Variants in FAM171A1 observed in about 807,000 individuals in gnomAD.
FAM171A1 encodes the protein family with sequence similarity 171 member A1.
A neutral mutation model predicts 74.9 loss-of-function variants in FAM171A1; 23 were observed. The ratio of observed to expected loss-of-function variants is 0.31; its 90% CI spans 0.22 to 0.44. The LOEUF (loss-of-function observed/expected upper bound fraction) is 0.44. FAM171A1 is among the 20% of genes least tolerant of loss of function. The pLI, the probability that FAM171A1 is intolerant of heterozygous loss-of-function variation, is 1.00. For missense variants in FAM171A1, 1,162 were observed against 1,159.2 expected (o/e 1.00, Z -0.03); for synonymous variants, 527 against 505.7 (o/e 1.04, Z -0.57).
At position 15,258,904 on chromosome 10, in the gene FAM171A1, C is replaced by T. The variant is rs563822589; in HGVS notation, c.419-4025G>A. ...GTGCCATTTCTGTGCTCTGCTCGCT[C>T]CCTGTGGGTTCCCTTTCACTGCCAC... On this transcript the variant is annotated intron_variant, in intron 3 of 7. Coordinates refer to ENST00000378116, the MANE Select transcript of FAM171A1 (RefSeq NM_001010924.2). Among the ~76,000 whole-genome samples the T allele has an allele frequency of 2.2e-4, 34 of 152,304 alleles. No individual in the cohort carries two copies. The Middle Eastern group carries it at 0.01, about 46-fold the overall frequency.
intron 1 of FAM171A1, among the ~76,000 whole-genome samples, chr10:15,307,448 C>T (rs901230104): frequency 6.6e-6 from 1 of 151,922 alleles, no homozygotes; most frequent in African/African-American, 2.4e-5. Context: ...AGTTCGAGAC[C>T]AGCCTGGCCA....
chr10:15,355,142 T>A (rs752688258), intron 1 of FAM171A1, among the ~76,000 whole-genome samples: 5 of 152,234 alleles, frequency 3.3e-5, no homozygotes, highest in Non-Finnish European at 7.3e-5. Flanking sequence ...GCAAGTGCAG[T>A]GGCAGAATCA....
In FAM171A1 at chr10:15,213,961, G is replaced by C; in HGVS notation, c.1627C>G (p.Arg543Gly). 1 of 1,614,168 alleles carries C rather than the reference G, an allele frequency of 6.2e-7. No individual in the cohort carries two copies. Among genetic ancestry groups the C allele is most frequent in the South Asian group, 1.1e-5 (1 of 91,086 alleles). ...DRRPTECMMS[R>G]SVDHLERPTS... ...GGTCTCTCGAGGTGATCTACTGATCGCGACATCATACATTCAGTGGGTCTG... is the reference window on the plus strand; with the variant it reads ...GGTCTCTCGAGGTGATCTACTGATCCCGACATCATACATTCAGTGGGTCTG... Residue 543 changes from arginine to glycine, a missense_variant, in exon 8 of 8, where the codon CGA becomes GGA. Coordinates refer to ENST00000378116, the MANE Select transcript of FAM171A1 (RefSeq NM_001010924.2). The surrounding 1 kb of genome is among the most constrained non-coding windows in gnomAD (Gnocchi z 6.8).
rs777738120 is a variant in FAM171A1, at chr10:15,254,724, T to C, written c.574A>G (p.Thr192Ala). 2 of 1,613,910 alleles carry C rather than the reference T, an allele frequency of 1.2e-6. No homozygotes were observed. The highest frequency in any genetic ancestry group is 1.7e-6 in the Non-Finnish European group (2 of 1,179,856). Residue 192 changes from threonine (T) to alanine (A), a missense_variant, in exon 4 of 8, where the codon ACA becomes GCA. Thr to Ala is a moderately conservative substitution (Grantham distance 58, BLOSUM62 0). Transcript: ENST00000378116. ...AAAGAGAAAAGACTCCAATTACCTGTTCCATTTCCGTCTAATCCTCGCAAA... is the reference window on the plus strand; with the variant it reads ...AAAGAGAAAAGACTCCAATTACCTGCTCCATTTCCGTCTAATCCTCGCAAA... ...PYLRGLDGNG[T>A]GNSTRHDLTP...
At chr10:15,331,880 C>A (rs7477447) in intron 1 of FAM171A1, among the ~76,000 whole-genome samples, 1 of 59,676 alleles carries the variant, frequency 1.7e-5, no homozygotes, top group East Asian at 4.2e-4. Context: ...TGTGTGTATA[C>A]ATATATATAT....
At chr10:15,247,166 T>C (rs1588510213) in intron 5 of FAM171A1, among the ~76,000 whole-genome samples, 1 of 152,214 alleles carries the variant, frequency 6.6e-6, no homozygotes, top group Non-Finnish European at 1.5e-5. Context: ...GTATGATATA[T>C]CCACAGGGTG....
intron 3 of FAM171A1, among the ~76,000 whole-genome samples, chr10:15,267,224 G>A (rs1304060156): frequency 6.6e-6 from 1 of 152,232 alleles, no homozygotes; most frequent in Non-Finnish European, 1.5e-5. Context: ...ATGGGCAGGG[G>A]GAAGGAATGC....
chr10:15,254,000 CA>C (rs1013175665), intron 4 of FAM171A1, among the ~76,000 whole-genome samples: 1 of 152,206 alleles, frequency 6.6e-6, no homozygotes, highest in African/African-American at 2.4e-5. Context: ...TTAGCTGTGG[CA>C]TGCCAGAATA....
chr10:15,219,347 ATC>A (rs1834007186), intron 6 of FAM171A1, among the ~76,000 whole-genome samples: 1 of 152,202 alleles, frequency 6.6e-6, no homozygotes, highest in Non-Finnish European at 1.5e-5. Flanking sequence ...GCATGTACTG[ATC>A]TACTGCATGA....
Position 15,281,874 on chromosome 10 carries a change from A to T in FAM171A1, c.325+2004T>A, listed in dbSNP as rs538735941. On this transcript the variant is annotated intron_variant, in intron 2 of 7. Transcript: ENST00000378116. ...AGACTGTCTCCAAAAATAAAAAAAT[A>T]AAAAAACAGATATGATGGGAATGGT... Among the ~76,000 whole-genome samples the T allele has an allele frequency of 6.6e-5, 10 of 152,198 alleles. No homozygotes were observed. The East Asian group carries it at 1.9e-3, about 29-fold the overall frequency.
chr10:15,238,173 C>T (rs1469227988), intron 5 of FAM171A1, among the ~76,000 whole-genome samples: 1 of 152,190 alleles, frequency 6.6e-6, no homozygotes, highest in Non-Finnish European at 1.5e-5. Flanking sequence ...AATCACCCAC[C>T]TCAGTATTCC....
rs61731094 is a variant in FAM171A1, at chr10:15,213,413, A to G, written c.2175T>C (p.Ile725=). 275 of 1,614,050 alleles carry G rather than the reference A, an allele frequency of 1.7e-4. No homozygotes were observed. The Middle Eastern group carries it at 3.5e-3, about 20-fold the overall frequency. ...CGTTCCTTCCAGCTCTTTGGAGATCAATGTATGAATGTCTAACGTGAGCGT... is the reference window on the plus strand; with the variant it reads ...CGTTCCTTCCAGCTCTTTGGAGATCGATGTATGAATGTCTAACGTGAGCGT... The part of the protein sequence containing the change: ...RSNAHVRHSY[I]DLQRAGRNGS... The change falls in exon 8 of 8, where the codon ATT becomes ATC. Residue 725 remains isoleucine (I), a synonymous_variant. Transcript: ENST00000378116. This position sits in a 1 kb window ranked among gnomAD's most constrained non-coding sequence, Gnocchi z 6.8.
At chr10:15,331,137 C>CCA (rs1380466851) in intron 1 of FAM171A1, among the ~76,000 whole-genome samples, 37 of 152,096 alleles carry the variant, frequency 2.4e-4, no homozygotes, top group Non-Finnish European at 4.7e-4. Flanking sequence ...TGATCCACTG[C>CCA]CTTGGCCTCC....
chr10:15,324,861 C>T (rs764747479), intron 1 of FAM171A1, among the ~76,000 whole-genome samples: 1 of 152,204 alleles, frequency 6.6e-6, no homozygotes, highest in Non-Finnish European at 1.5e-5. Flanking sequence ...GGCAGACCAA[C>T]TTGTACTAAA....
intron 1 of FAM171A1, among the ~76,000 whole-genome samples, chr10:15,354,295 A>C (rs1450104065): frequency 6.6e-6 from 1 of 152,120 alleles, no homozygotes; most frequent in African/African-American, 2.4e-5. Context: ...TGGGAGTTTG[A>C]AACCAGCCTG....
chr10:15,242,303 A>G (rs1176072935), intron 5 of FAM171A1, among the ~76,000 whole-genome samples: 1 of 152,198 alleles, frequency 6.6e-6, no homozygotes, highest in East Asian at 1.9e-4. Context: ...GCAGGCTTCT[A>G]TTGAGTATAA....
intron 6 of FAM171A1, among the ~76,000 whole-genome samples, chr10:15,219,637 A>G (rs2131710454): frequency 6.6e-6 from 1 of 152,278 alleles, no homozygotes; most frequent in Middle Eastern, 3.4e-3. Flanking sequence ...GCTGGAGTGC[A>G]GTGGCACAAT....
chr10:15,213,841 T>A lies in FAM171A1; in HGVS notation c.1747A>T (p.Ile583Phe), dbSNP rs1439947459. The A allele has an allele frequency of 6.2e-7, 1 of 1,614,050 alleles. No homozygotes were observed. Among genetic ancestry groups the A allele is most frequent in the African/African-American group, 1.3e-5 (1 of 74,922 alleles). The change falls in exon 8 of 8, where the codon ATC becomes TTC. Residue 583 changes from isoleucine to phenylalanine, a missense_variant. Physicochemically the swap from Ile to Phe is conservative, Grantham distance 21. Coordinates refer to ENST00000378116, the MANE Select transcript of FAM171A1 (RefSeq NM_001010924.2). This position sits in a 1 kb window ranked among gnomAD's most constrained non-coding sequence, Gnocchi z 6.8. ...GGGAGTTTCATATAATGAGCCGGGATGACCAAGGCAGGCAGTACTTTCCTG... is the reference window on the plus strand; with the variant it reads ...GGGAGTTTCATATAATGAGCCGGGAAGACCAAGGCAGGCAGTACTTTCCTG... The part of the protein sequence containing the change: ...VYRKVLPALV[I>F]PAHYMKLPGD...
intron 1 of FAM171A1, among the ~76,000 whole-genome samples, chr10:15,289,852 C>G (rs1835082117): frequency 6.6e-6 from 1 of 152,218 alleles, no homozygotes; most frequent in South Asian, 2.1e-4. Flanking sequence ...TTTGCATGGG[C>G]TGGTTTTGCA....
Sources: gnomAD v4.1 joint callset for allele counts (sites outside exome capture counted in the v4.1 genomes callset) on GRCh38, gnomAD v4.1.1 for gene constraint, Gnocchi (gnomAD v3.1) non-coding constraint, MANE v1.5 for transcripts, NCBI Gene and HGNC (gene_info 2026-07-23, HGNC 2026-07-21) for gene names.